ZBTB7C: variants seen among roughly 807,000 people sequenced by gnomAD.
The protein encoded by ZBTB7C is zinc finger and BTB domain containing 7C, also known as zinc finger and BTB domain-containing protein 7C.
ZBTB7C carries 8 observed loss-of-function variants against 25.7 expected under a neutral mutation model. The observed-to-expected ratio is 0.31, with a 90% confidence interval of 0.18 to 0.56. The LOEUF is 0.56. ZBTB7C is among the 20% of genes least tolerant of loss of function. ZBTB7C has a pLI of 0.91. For missense variants in ZBTB7C, 824 were observed against 855.2 expected, an observed-to-expected ratio of 0.96 and a Z score of 0.46; for synonymous variants, 394 against 369.0, an observed-to-expected ratio of 1.07 and a Z score of -0.78.
intron 3 of ZBTB7C, among the ~76,000 whole-genome samples, chr18:48,131,184 G>A (rs1414789684): frequency 6.6e-6 from 1 of 152,234 alleles, no homozygotes; most frequent in Non-Finnish European, 1.5e-5. Flanking sequence ...GATTACAGGC[G>A]TGAGCCATGG....
At chr18:48,231,175 C>T (rs868252851) in intron 2 of ZBTB7C, among the ~76,000 whole-genome samples, 1 of 152,064 alleles carries the variant, frequency 6.6e-6, no homozygotes, top group Non-Finnish European at 1.5e-5. Flanking sequence ...AAGTGCAGGT[C>T]CCTGGTGAAA....
intron 2 of ZBTB7C, among the ~76,000 whole-genome samples, chr18:48,220,463 A>G (rs972075419): frequency 1.2e-4 from 19 of 152,174 alleles, no homozygotes; most frequent in African/African-American, 4.3e-4. Flanking sequence ...CTTATTGAGC[A>G]CCTAAGTGTC....
At chr18:48,087,223 G>C (rs1005384386) in intron 3 of ZBTB7C, among the ~76,000 whole-genome samples, 1 of 152,188 alleles carries the variant, frequency 6.6e-6, no homozygotes, top group Non-Finnish European at 1.5e-5. Flanking sequence ...AAGCAAGGAG[G>C]GCATCTGAAT....
At chr18:48,066,872 C>T (rs865850507) in intron 3 of ZBTB7C, among the ~76,000 whole-genome samples, 1 of 152,156 alleles carries the variant, frequency 6.6e-6, no homozygotes, top group African/African-American at 2.4e-5. Flanking sequence ...GAGGCCAAGG[C>T]GGGCGGATTG....
intron 3 of ZBTB7C, among the ~76,000 whole-genome samples, chr18:48,168,885 AC>A (rs1599018053): frequency 6.6e-6 from 1 of 152,134 alleles, no homozygotes; most frequent in Non-Finnish European, 1.5e-5. Context: ...TTTCTCCTTG[AC>A]CCTCACCTCT....
intron 3 of ZBTB7C, among the ~76,000 whole-genome samples, chr18:48,090,483 C>T (rs556592046): frequency 2.6e-5 from 4 of 152,212 alleles, no homozygotes; most frequent in African/African-American, 9.7e-5. Flanking sequence ...GCAGGAAGAA[C>T]AAACCAAGTC....
chr18:48,144,813 A>G (rs1486187329), intron 3 of ZBTB7C, among the ~76,000 whole-genome samples: 1 of 152,162 alleles, frequency 6.6e-6, no homozygotes, highest in African/African-American at 2.4e-5. Context: ...GATGAAACCC[A>G]GTGCTCCAGA....
intron 1 of ZBTB7C, among the ~76,000 whole-genome samples, chr18:48,405,261 C>T (rs772371028): frequency 6.6e-6 from 1 of 152,014 alleles, no homozygotes; most frequent in Non-Finnish European, 1.5e-5. Context: ...TAGGGGCCAT[C>T]GGGGACCTAT....
chr18:48,281,416 T>C (rs1394859742), intron 2 of ZBTB7C, among the ~76,000 whole-genome samples: 13 of 152,124 alleles, frequency 8.5e-5, no homozygotes, highest in South Asian at 2.1e-4. Context: ...ACTTCATGTC[T>C]AAAACACCAA....
intron 3 of ZBTB7C, among the ~76,000 whole-genome samples, chr18:48,066,296 C>T (rs1036605792): frequency 1.1e-4 from 17 of 152,360 alleles, no homozygotes; most frequent in African/African-American, 4.1e-4. Context: ...GCTAACATCA[C>T]ATGCATATTT....
chr18:48,198,469 A>G (rs1223845757), intron 2 of ZBTB7C, among the ~76,000 whole-genome samples: 1 of 152,166 alleles, frequency 6.6e-6, no homozygotes, highest in Non-Finnish European at 1.5e-5. Context: ...TGCTAAAACC[A>G]AAGTGTCGGC....
chr18:48,057,619 G>A (rs951562625), intron 3 of ZBTB7C, among the ~76,000 whole-genome samples: 10 of 152,196 alleles, frequency 6.6e-5, no homozygotes, highest in African/African-American at 2.4e-4. Flanking sequence ...CTCTTTGATA[G>A]TATTTGAACC....
At chr18:48,164,429 C>T (rs1455664190) in intron 3 of ZBTB7C, among the ~76,000 whole-genome samples, 1 of 152,156 alleles carries the variant, frequency 6.6e-6, no homozygotes, top group Non-Finnish European at 1.5e-5. Context: ...CTCATGTTAA[C>T]CCATACACAC....
chr18:48,171,825 T>C (rs1215978696), intron 3 of ZBTB7C, among the ~76,000 whole-genome samples: 1 of 152,240 alleles, frequency 6.6e-6, no homozygotes. Flanking sequence ...TCCTATTGAA[T>C]GGATGAGAAA....
intron 3 of ZBTB7C, among the ~76,000 whole-genome samples, chr18:48,162,080 A>G (rs1479166191): frequency 2.2e-5 from 3 of 138,274 alleles, no homozygotes; most frequent in African/African-American, 7.4e-5. Flanking sequence ...GGGCGAACGC[A>G]GAGCCAGACC....
intron 2 of ZBTB7C, among the ~76,000 whole-genome samples, chr18:48,299,305 T>A (rs1214310717): frequency 1.3e-5 from 2 of 152,232 alleles, no homozygotes; most frequent in African/African-American, 4.8e-5. Flanking sequence ...CTCACACCCA[T>A]GACATCCTTG....
At chr18:48,408,110 G>C (rs1196884446) in intron 1 of ZBTB7C, among the ~76,000 whole-genome samples, 2 of 152,196 alleles carry the variant, frequency 1.3e-5, no homozygotes, top group Non-Finnish European at 2.9e-5. Flanking sequence ...ATGGTCCAGC[G>C]AGACTTCCCA....
At position 48,370,087 on chromosome 18, in the gene ZBTB7C, G is replaced by T. The variant is rs190359809; in HGVS notation, c.-303-31689C>A. ...ATGAATCAACTGGAAATGAATAACA[G>T]CAAGATAAGAGTAAAACTTCCAAAT... is the stretch of plus-strand genomic sequence containing the variant. On this transcript the variant is annotated intron_variant, in intron 1 of 4. Transcript: ENST00000590800. Among the ~76,000 whole-genome samples, 11 of 152,266 alleles carry T rather than the reference G, an allele frequency of 7.2e-5. No homozygotes were observed. In the East Asian group the frequency reaches 2.1e-3, roughly 29 times the overall value.
chr18:48,179,903 T>G (rs150087003), intron 3 of ZBTB7C, among the ~76,000 whole-genome samples: 1 of 142,410 alleles, frequency 7.0e-6, no homozygotes. Flanking sequence ...ATATTTCTCC[T>G]TCCTTCCTCC....
Sources: allele counts gnomAD v4.1 joint callset (sites outside exome capture counted in the v4.1 genomes callset), GRCh38; gene constraint gnomAD v4.1.1; transcripts MANE v1.5; gene names NCBI Gene and HGNC (gene_info 2026-07-23, HGNC 2026-07-21).